Variants in FAM13A observed in about 807,000 individuals in gnomAD.
FAM13A encodes family with sequence similarity 13 member A, also known as protein FAM13A.
A neutral mutation model predicts 129.6 loss-of-function variants in FAM13A; 76 were observed. That is an observed-to-expected ratio of 0.59 (90% confidence interval 0.49 to 0.71). The LOEUF is 0.71. Ranked by LOEUF, FAM13A falls within the 30% of genes least tolerant of loss-of-function variation. FAM13A has a pLI of 0.00. For synonymous variants in FAM13A, 443 were observed against 449.9 expected (o/e 0.98, Z 0.20); for missense variants, 1,108 against 1,249.3 (o/e 0.89, Z 1.70).
chr4:88,888,546 C>G (rs1744809237), intron 6 of FAM13A, among the ~76,000 whole-genome samples: 1 of 152,134 alleles, frequency 6.6e-6, no homozygotes, highest in South Asian at 2.1e-4. Flanking sequence ...AACAAACCAA[C>G]TAAGCAACTA....
chr4:88,948,473 A>G (rs750048393), intron 4 of FAM13A, among the ~76,000 whole-genome samples: 1 of 151,888 alleles, frequency 6.6e-6, no homozygotes, highest in Admixed American at 6.6e-5. Context: ...ATTGTTTGGA[A>G]TGATGGAAAT....
At chr4:88,902,604 T>C (rs1747464279) in intron 6 of FAM13A, among the ~76,000 whole-genome samples, 1 of 152,158 alleles carries the variant, frequency 6.6e-6, no homozygotes, top group Non-Finnish European at 1.5e-5. Flanking sequence ...TGAAGGAATG[T>C]ACCTCAAAAT....
At chr4:88,749,989 C>A in intron 15 of FAM13A, 80 bp from the exon 16 acceptor site, 1 of 1,494,558 alleles carries the variant, frequency 6.7e-7, no homozygotes, top group Non-Finnish European at 9.2e-7. Flanking sequence ...AGTGGGACAC[C>A]ATGTGGCATG....
At chr4:88,834,865 C>T (rs979760299) in intron 7 of FAM13A, among the ~76,000 whole-genome samples, 14 of 152,252 alleles carry the variant, frequency 9.2e-5, no homozygotes, top group African/African-American at 3.4e-4. Context: ...TCTTCCTTCC[C>T]TGTCCATTAG....
At chr4:88,924,613 C>G (rs1351783829) in intron 5 of FAM13A, among the ~76,000 whole-genome samples, 26 of 152,208 alleles carry the variant, frequency 1.7e-4, no homozygotes, top group Non-Finnish European at 3.5e-4. Context: ...AGAAGAAAAC[C>G]TAGGCATTAC....
chr4:88,738,995 G>T (rs765090739), intron 20 of FAM13A, 35 bp downstream of exon 20: 1 of 1,344,052 alleles, frequency 7.4e-7, no homozygotes. Flanking sequence ...AAGCGGAAAG[G>T]TGTTGTACCA....
chr4:88,843,147 T>C (rs1736109895), intron 7 of FAM13A, among the ~76,000 whole-genome samples: 1 of 152,134 alleles, frequency 6.6e-6, no homozygotes, highest in Non-Finnish European at 1.5e-5. Context: ...GTTTGAGAGG[T>C]TGGGGCCCTT....
chr4:88,848,077 G>C (rs1736971093), intron 7 of FAM13A, among the ~76,000 whole-genome samples: 1 of 151,982 alleles, frequency 6.6e-6, no homozygotes, highest in Admixed American at 6.6e-5. Flanking sequence ...ACTAGCTCTT[G>C]TCACCTAGCC....
At chr4:88,773,703 AAC>A (rs1364353132) in intron 11 of FAM13A, among the ~76,000 whole-genome samples, 1 of 152,164 alleles carries the variant, frequency 6.6e-6, no homozygotes, top group Non-Finnish European at 1.5e-5. Flanking sequence ...TTTAAAAACC[AAC>A]TGTGCACCAA....
At chr4:88,750,768 G>T in intron 14 of FAM13A, 131 bp from the exon 15 acceptor site, 1 of 669,102 alleles carries the variant, frequency 1.5e-6, no homozygotes, top group Non-Finnish European at 2.6e-6. Context: ...TCATTTTACA[G>T]CTAAGGTCCA....
At chr4:88,811,531 C>T (rs1451382034) in intron 7 of FAM13A, among the ~76,000 whole-genome samples, 1 of 147,754 alleles carries the variant, frequency 6.8e-6, no homozygotes, top group East Asian at 2.0e-4. Flanking sequence ...TAACAGCTTG[C>T]AATGTCTAAG....
chr4:88,765,802 C>T (rs930611849), intron 13 of FAM13A, among the ~76,000 whole-genome samples: 2 of 152,260 alleles, frequency 1.3e-5, no homozygotes, highest in Admixed American at 1.3e-4. Context: ...TTTTAGTTCA[C>T]CACCTAATTT....
intron 5 of FAM13A, among the ~76,000 whole-genome samples, chr4:88,912,572 C>T (rs1277286200): frequency 2.2e-4 from 12 of 54,412 alleles, no homozygotes; most frequent in African/African-American, 8.1e-4. Flanking sequence ...CATACATACA[C>T]ACACACACAC....
Position 89,020,466 on chromosome 4 carries a change from A to G in FAM13A, c.421T>C (p.Phe141Leu), listed in dbSNP as rs1339517257. ...AAGGATTTATTGTACTAACCCTGAA[A>G]GAGTTGAATGAATCGAGGCTGCAAC... ...SALQPRFIQL[F>L]QDGRNDVQES... The change falls in exon 3 of 24, where the codon TTT (phenylalanine) becomes CTT (leucine). Residue 141 changes from phenylalanine (F) to leucine (L), a missense_variant. This residue lies in a region of FAM13A where 566 missense variants were observed against 595.7 expected (regional missense o/e 0.95). Transcript: ENST00000264344. The G allele has an allele frequency of 6.2e-7, 1 of 1,612,838 alleles. No individual in the cohort carries two copies. The highest frequency in any genetic ancestry group is 8.5e-7 in the Non-Finnish European group (1 of 1,178,964).
intron 1 of FAM13A, among the ~76,000 whole-genome samples, chr4:89,036,397 C>A (rs950952871): frequency 6.6e-6 from 1 of 152,102 alleles, no homozygotes; most frequent in Non-Finnish European, 1.5e-5. Flanking sequence ...GCAAACCACT[C>A]GAGATTTGAC....
chr4:88,762,336 A>G (rs1744975409), intron 13 of FAM13A, among the ~76,000 whole-genome samples: 2 of 152,142 alleles, frequency 1.3e-5, no homozygotes, highest in South Asian at 4.2e-4. Flanking sequence ...TTCCTGGCTG[A>G]TTTGTGGCAC....
At chr4:88,884,464 A>G (rs1744091098) in intron 6 of FAM13A, among the ~76,000 whole-genome samples, 11 of 152,200 alleles carry the variant, frequency 7.2e-5, no homozygotes. Context: ...TTTATTATTA[A>G]AACCCTCAGC....
chr4:88,984,853 T>C (rs928562410), intron 4 of FAM13A, among the ~76,000 whole-genome samples: 6 of 152,196 alleles, frequency 3.9e-5, no homozygotes, highest in Admixed American at 3.3e-4. Context: ...GAATGTAAAA[T>C]GGTGCAGCCA....
chr4:88,878,049 A>G (rs1360029023), intron 6 of FAM13A, among the ~76,000 whole-genome samples: 6 of 151,968 alleles, frequency 3.9e-5, no homozygotes, highest in Non-Finnish European at 5.9e-5. Flanking sequence ...AGCACATTGG[A>G]AGGGCCGAGG....
Sources: allele counts gnomAD v4.1 joint callset (sites outside exome capture counted in the v4.1 genomes callset), GRCh38; gene constraint gnomAD v4.1.1; regional missense constraint gnomAD v4.1.1; transcripts MANE v1.5; gene names NCBI Gene and HGNC (gene_info 2026-07-23, HGNC 2026-07-21).